Variants in PRKCB observed in about 807,000 individuals in gnomAD.
PRKCB encodes protein kinase C beta type.
PRKCB carries 13 observed loss-of-function variants against 81.5 expected under a neutral mutation model. The ratio of observed to expected loss-of-function variants is 0.16; its 90% CI spans 0.10 to 0.25. The LOEUF (loss-of-function observed/expected upper bound fraction) is 0.25. Among genes scored for constraint, PRKCB ranks in the 10% least tolerant of loss-of-function variants. PRKCB has a pLI of 1.00. For synonymous variants in PRKCB, 335 were observed against 321.4 expected, an observed-to-expected ratio of 1.04 and a Z score of -0.45; for missense variants, 509 against 875.7, an observed-to-expected ratio of 0.58 and a Z score of 5.29.
At chr16:24,154,444 C>G (rs981530303) in intron 9 of PRKCB, among the ~76,000 whole-genome samples, 3 of 152,222 alleles carry the variant, frequency 2.0e-5, no homozygotes, top group African/African-American at 7.2e-5. Context: ...GATCATGTTA[C>G]TACCCTCTAG....
chr16:24,027,909 A>G (rs1965502859), intron 3 of PRKCB, among the ~76,000 whole-genome samples: 1 of 151,918 alleles, frequency 6.6e-6, no homozygotes, highest in Non-Finnish European at 1.5e-5. Context: ...AGCTAGAACT[A>G]CAGGCATGCA....
At chr16:23,961,478 G>T (rs982127228) in intron 2 of PRKCB, among the ~76,000 whole-genome samples, 2 of 152,174 alleles carry the variant, frequency 1.3e-5, no homozygotes, top group Non-Finnish European at 2.9e-5. Flanking sequence ...ACAACAACTT[G>T]CAGGTCCAAT....
At chr16:23,958,461 T>C (rs769132725) in intron 2 of PRKCB, among the ~76,000 whole-genome samples, 1 of 151,902 alleles carries the variant, frequency 6.6e-6, no homozygotes, top group Non-Finnish European at 1.5e-5. Flanking sequence ...CCCACCACCA[T>C]GCCCGGCTAA....
chr16:23,898,322 C>G (rs1963413517), intron 2 of PRKCB, among the ~76,000 whole-genome samples: 1 of 152,126 alleles, frequency 6.6e-6, no homozygotes, highest in Admixed American at 6.5e-5. Context: ...CCATCTCGGC[C>G]TCCCAAAGTG....
At position 24,092,863 on chromosome 16, in the gene PRKCB, T is replaced by C. The variant is rs770291872; in HGVS notation, c.602T>C (p.Ile201Thr). The C allele has an allele frequency of 1.2e-6, 2 of 1,614,126 alleles. No homozygotes were observed. The highest frequency in any genetic ancestry group is 8.5e-7 in the Non-Finnish European group (1 of 1,180,016). The change falls in exon 6 of 17, where the codon ATT becomes ACT. Residue 201 changes from isoleucine to threonine, a missense_variant. Ile to Thr is a moderately conservative substitution (Grantham distance 89). Coordinates refer to ENST00000643927, the MANE Select transcript of PRKCB (RefSeq NM_002738.7). ...GATCCCTACGTAAAACTGAAACTGATTCCCGATCCCAAAAGTGAGAGCAAA... is the reference window on the plus strand; with the variant it reads ...GATCCCTACGTAAAACTGAAACTGACTCCCGATCCCAAAAGTGAGAGCAAA... ...LSDPYVKLKLIPDPKSESKQK... is the reference protein window; with the variant it reads ...LSDPYVKLKLTPDPKSESKQK...
chr16:23,941,891 A>G (rs1246386475), intron 2 of PRKCB, among the ~76,000 whole-genome samples: 1 of 152,224 alleles, frequency 6.6e-6, no homozygotes, highest in Non-Finnish European at 1.5e-5. Flanking sequence ...TGGATGTTCT[A>G]GTCAATGAAA....
In PRKCB at chr16:24,154,671, C is replaced by T. The variant is rs1967130048; in HGVS notation, c.1066-13C>T. On this transcript the variant is annotated splice_polypyrimidine_tract_variant and intron_variant, in intron 9 of 16. Coordinates refer to ENST00000643927, the MANE Select transcript of PRKCB (RefSeq NM_002738.7). ...CCTTCCAACTGCCCTGACATGCTTGCTCTCTTTCCCAGGTCATGCTTTCAG... is the reference window on the plus strand; with the variant it reads ...CCTTCCAACTGCCCTGACATGCTTGTTCTCTTTCCCAGGTCATGCTTTCAG... The T allele has an allele frequency of 6.2e-7, 1 of 1,613,754 alleles. No individual in the cohort carries two copies. The highest frequency in any genetic ancestry group is 1.1e-5 in the South Asian group (1 of 91,008).
Position 24,191,243 on chromosome 16 carries a change from TTC to T in PRKCB, c.1863+19_1863+20del. The T allele has an allele frequency of 6.2e-7, 1 of 1,613,804 alleles. No homozygotes were observed. Among genetic ancestry groups the T allele is most frequent in the South Asian group, 1.1e-5 (1 of 91,064 alleles). Reference sequence around the variant, plus strand: ...TAAGCCAAAAGCTGTAAGTAGCCCATTCTCTCTGACTGCCGGGTATTCACACA... The same window carrying T: ...TAAGCCAAAAGCTGTAAGTAGCCCATTCTCTGACTGCCGGGTATTCACACA... On this transcript the variant is annotated intron_variant, in intron 16 of 16. Transcript: ENST00000643927.
intron 16 of PRKCB, among the ~76,000 whole-genome samples, chr16:24,206,085 T>C (rs1013592734): frequency 2.0e-5 from 3 of 152,208 alleles, no homozygotes; most frequent in Admixed American, 2.0e-4. Context: ...CCTCTCCTAC[T>C]GACTTCCTCC....
intron 12 of PRKCB, among the ~76,000 whole-genome samples, chr16:24,175,715 T>C (rs1967518987): frequency 6.6e-6 from 1 of 151,830 alleles, no homozygotes; most frequent in Admixed American, 6.6e-5. Context: ...CTAGCACCTG[T>C]AATCCCAACG....
intron 3 of PRKCB, among the ~76,000 whole-genome samples, chr16:24,021,030 TTC>T (rs1245934327): frequency 7.1e-6 from 1 of 140,518 alleles, no homozygotes; most frequent in South Asian, 2.3e-4. Flanking sequence ...CTTTCTTTCT[TTC>T]TTTCTTTCTC....
rs1964506600 is a variant in PRKCB, at chr16:23,967,777, C to T, written c.206-20731C>T. The stretch of plus-strand genomic sequence containing the variant: ...AAGAGATTCTCCTGCCTCAGCCTCC[C>T]GAGTAGCTGGGACTACAGGCACCCG... On this transcript the variant is annotated intron_variant, in intron 2 of 16. Coordinates refer to ENST00000643927, the MANE Select transcript of PRKCB (RefSeq NM_002738.7). Among the ~76,000 whole-genome samples, 3 of 152,132 alleles carry T rather than the reference C, an allele frequency of 2.0e-5. No individual in the cohort carries two copies. In the South Asian group the frequency reaches 6.2e-4, roughly 31 times the overall value.
intron 5 of PRKCB, among the ~76,000 whole-genome samples, chr16:24,092,305 A>G (rs533329005): frequency 6.6e-6 from 1 of 152,360 alleles, no homozygotes; most frequent in South Asian, 2.1e-4. Flanking sequence ...GGGTACACAA[A>G]TGTTCATAGC....
At chr16:24,142,670 A>G (rs1024672392) in intron 9 of PRKCB, among the ~76,000 whole-genome samples, 3 of 152,250 alleles carry the variant, frequency 2.0e-5, no homozygotes, top group Admixed American at 1.3e-4. Context: ...AGCTCAGTGC[A>G]GCAGGCAAGG....
chr16:24,219,892 G>A lies in PRKCB; in HGVS notation c.*5076G>A. 6.4e-7 allele frequency: 1 copy of A among 1,554,012 alleles called. No individual in the cohort carries two copies. The highest frequency in any genetic ancestry group is 1.9e-5 in the Admixed American group (1 of 52,516). The stretch of plus-strand genomic sequence containing the variant: ...CATGAGATGGTATCAGCCACCCAAT[G>A]ACTGGCGTATCTTGGTCCTGTGTCT... On this transcript the variant is annotated 3_prime_UTR_variant, in exon 17 of 17. Coordinates refer to ENST00000643927, the MANE Select transcript of PRKCB (RefSeq NM_002738.7).
intron 9 of PRKCB, among the ~76,000 whole-genome samples, chr16:24,125,868 C>T (rs1304591967): frequency 4.6e-5 from 7 of 152,162 alleles, no homozygotes; most frequent in Admixed American, 4.6e-4. Context: ...AGAGTAAGGG[C>T]AGCCAGTAAG....
chr16:24,207,929 T>A (rs1025191137), intron 16 of PRKCB, among the ~76,000 whole-genome samples: 5 of 152,106 alleles, frequency 3.3e-5, no homozygotes, highest in African/African-American at 1.2e-4. Context: ...TGGAAATACT[T>A]CAGTATGGCT....
chr16:24,175,576 TTC>T (rs758472464), intron 12 of PRKCB, among the ~76,000 whole-genome samples: 1 of 151,500 alleles, frequency 6.6e-6, no homozygotes, highest in Non-Finnish European at 1.5e-5. Flanking sequence ...TGTTGGAGGG[TTC>T]TCTCTCATTC....
At chr16:23,876,116 G>A (rs1324447224) in intron 2 of PRKCB, among the ~76,000 whole-genome samples, 1 of 152,224 alleles carries the variant, frequency 6.6e-6, no homozygotes, top group Non-Finnish European at 1.5e-5. Flanking sequence ...CACGCATGCA[G>A]TCATTTTTTG....
Sources: gnomAD v4.1 joint callset for allele counts (sites outside exome capture counted in the v4.1 genomes callset) on GRCh38, gnomAD v4.1.1 for gene constraint, MANE v1.5 for transcripts, NCBI Gene and HGNC (gene_info 2026-07-23, HGNC 2026-07-21) for gene names.